DMD: variants seen among roughly 807,000 people sequenced by gnomAD.
DMD encodes mutant dystrophin.
Under a neutral mutation model 330.1 loss-of-function variants are expected in DMD, and 63 were observed. The observed-to-expected ratio is 0.19, with a 90% CI of 0.16 to 0.24. The LOEUF is 0.24. DMD is among the 10% of genes least tolerant of loss of function. DMD has a pLI of 1.00. For synonymous variants in DMD, 1,223 were observed against 959.8 expected, an observed-to-expected ratio of 1.27 and a Z score of -5.07; for missense variants, 3,344 against 2,684.1, an observed-to-expected ratio of 1.25 and a Z score of -5.43.
chrX:31,803,721 C>T (rs990557272), intron 50 of DMD, among the ~76,000 whole-genome samples: 4 of 100,236 alleles, frequency 4.0e-5, no homozygotes, highest in Non-Finnish European at 6.0e-5. Context: ...TTTTTTGAGA[C>T]GGAGTTTCAC....
intron 2 of DMD, among the ~76,000 whole-genome samples, chrX:32,920,973 A>G (rs972294240): frequency 1.2e-4 from 14 of 112,169 alleles, no homozygotes; most frequent in African/African-American, 4.5e-4. Context: ...AAATTATTCC[A>G]TCATGCAAAA....
At chrX:31,199,483 T>A (rs181605919) in intron 67 of DMD, among the ~76,000 whole-genome samples, 1 of 112,505 alleles carries the variant, frequency 8.9e-6, no homozygotes, top group East Asian at 2.8e-4. Context: ...AATGGATAAT[T>A]CCTTGGAAGA....
intron 44 of DMD, among the ~76,000 whole-genome samples, chrX:32,136,801 T>C (rs758972735): frequency 2.8e-5 from 3 of 107,675 alleles, no homozygotes; most frequent in Non-Finnish European, 5.7e-5. Context: ...ATATTGGGAA[T>C]TGAACAATGA....
chrX:31,145,660 C>CT (rs1399577919), intron 76 of DMD, among the ~76,000 whole-genome samples: 1 of 97,599 alleles, frequency 1.0e-5, no homozygotes, highest in Non-Finnish European at 1.9e-5. Context: ...CCTGGGAACT[C>CT]TATTTTTTTT....
chrX:32,915,614 C>A (rs1415149276), intron 2 of DMD, among the ~76,000 whole-genome samples: 1 of 111,497 alleles, frequency 9.0e-6, no homozygotes, highest in African/African-American at 3.3e-5. Context: ...GCCTTAAGTT[C>A]AAAAGGGGAA....
At chrX:31,431,776 C>A (rs2064103331) in intron 60 of DMD, among the ~76,000 whole-genome samples, 1 of 105,469 alleles carries the variant, frequency 9.5e-6, no homozygotes, top group South Asian at 4.1e-4. Flanking sequence ...GAACATAAGA[C>A]AAATTAAAAT....
At chrX:33,145,310 A>G (rs1347965786) in intron 1 of DMD, among the ~76,000 whole-genome samples, 1 of 111,909 alleles carries the variant, frequency 8.9e-6, no homozygotes. Flanking sequence ...TGGTTCCTCT[A>G]GACAGTCATA....
chrX:31,356,651 C>T (rs1459114122), intron 60 of DMD, among the ~76,000 whole-genome samples: 4 of 112,232 alleles, frequency 3.6e-5, no homozygotes, highest in Non-Finnish European at 7.5e-5. Flanking sequence ...TCTTTCACCT[C>T]ACCGATTTCT....
At chrX:33,143,594 C>A (rs192839485) in intron 1 of DMD, among the ~76,000 whole-genome samples, 6 of 111,227 alleles carry the variant, frequency 5.4e-5, no homozygotes, top group Admixed American at 3.9e-4. Context: ...CTGATAATAA[C>A]CTTGGCAATA....
chrX:31,568,589 TTTGA>T (rs2075593067), intron 55 of DMD, among the ~76,000 whole-genome samples: 2 of 111,844 alleles, frequency 1.8e-5, no homozygotes. Flanking sequence ...GCTGCTTTCT[TTTGA>T]TTAATTGTTG....
intron 44 of DMD, among the ~76,000 whole-genome samples, chrX:32,089,093 T>C (rs1183579959): frequency 9.0e-6 from 1 of 111,410 alleles, no homozygotes; most frequent in East Asian, 2.8e-4. Flanking sequence ...TCCGCTCCTT[T>C]TGAAGTAAAG....
intron 21 of DMD, among the ~76,000 whole-genome samples, chrX:32,474,867 C>G (rs768270409): frequency 4.2e-4 from 47 of 111,578 alleles, no homozygotes; most frequent in African/African-American, 1.5e-3. Flanking sequence ...AAATTAGGTA[C>G]CAGCTATTTA....
intron 37 of DMD, among the ~76,000 whole-genome samples, chrX:32,360,159 T>G (rs1235951526): frequency 8.9e-6 from 1 of 112,052 alleles, no homozygotes; most frequent in Non-Finnish European, 1.9e-5. Flanking sequence ...TGAAGATGAA[T>G]TAGTGTTAAA....
intron 44 of DMD, among the ~76,000 whole-genome samples, chrX:32,066,404 T>C (rs2096260467): frequency 8.9e-6 from 1 of 111,895 alleles, no homozygotes; most frequent in South Asian, 3.7e-4. Context: ...TGTTTAAATA[T>C]TTCAGTATAT....
At chrX:32,905,255 CAT>C (rs753227139) in intron 2 of DMD, among the ~76,000 whole-genome samples, 2 of 111,624 alleles carry the variant, frequency 1.8e-5, no homozygotes, top group East Asian at 5.6e-4. Flanking sequence ...GTACATAAGA[CAT>C]AGGATTCACT....
At chrX:32,003,295 T>G (rs184483967) in intron 44 of DMD, among the ~76,000 whole-genome samples, 42 of 111,976 alleles carry the variant, frequency 3.8e-4, no homozygotes, top group Admixed American at 6.6e-4. Context: ...AATAACAAAG[T>G]TTTTAAGCAA....
chrX:31,721,589 ATCTCTCTCTC>A (rs59628263), intron 52 of DMD, among the ~76,000 whole-genome samples: 12,765 of 90,753 alleles, frequency 0.14, 854 homozygotes, highest in Admixed American at 0.3. Context: ...CTTAAAATCA[ATCTCTCTCTC>A]TCTCTCTCTC....
intron 37 of DMD, among the ~76,000 whole-genome samples, chrX:32,357,828 C>T (rs925340940): frequency 9.0e-6 from 1 of 111,023 alleles, no homozygotes; most frequent in Non-Finnish European, 1.9e-5. Context: ...GTTTTATCTT[C>T]CATGCCCTCT....
intron 62 of DMD, among the ~76,000 whole-genome samples, chrX:31,280,317 T>C (rs1449951278): frequency 2.7e-5 from 3 of 112,258 alleles, no homozygotes; most frequent in African/African-American, 9.7e-5. Flanking sequence ...AACAAAATCA[T>C]TATGCTGAAT....
Sources: allele counts gnomAD v4.1 joint callset (sites outside exome capture counted in the v4.1 genomes callset), GRCh38; gene constraint gnomAD v4.1.1; transcripts MANE v1.5; gene names NCBI Gene and HGNC (gene_info 2026-07-23, HGNC 2026-07-21).